METTL2A: variants seen among roughly 807,000 people sequenced by gnomAD.
The protein encoded by METTL2A is methyltransferase 2A, tRNA N3-cytidine.
Under a neutral mutation model 49.4 loss-of-function variants are expected in METTL2A, and 45 were observed. That is an observed-to-expected ratio of 0.91 (90% CI 0.72 to 1.17). The LOEUF is 1.17. Among genes scored for constraint, METTL2A ranks in the 50% most tolerant of loss-of-function variants. METTL2A has a pLI of 0.00. For missense variants in METTL2A, 361 were observed against 462.2 expected (o/e 0.78, Z 2.01); for synonymous variants, 118 against 167.5 (o/e 0.70, Z 2.28).
Position 62,438,407 on chromosome 17 carries a change from C to CAA in METTL2A, c.670-2194_670-2193dup, listed in dbSNP as rs1232215588. On this transcript the variant is annotated intron_variant, in intron 5 of 8. Coordinates refer to ENST00000311506, the MANE Select transcript of METTL2A (RefSeq NM_181725.4). ...GGGCTACAAGAGTGAAACTCCATCT[C>CAA]AAAAAAAAAAAAAAAAATACAAAAA... Among the ~76,000 whole-genome samples, 94 of 108,602 alleles carry CAA rather than the reference C, an allele frequency of 8.7e-4. 1 individual carries two copies. Among genetic ancestry groups the CAA allele is most frequent in the South Asian group, 4.5e-3 (15 of 3,334 alleles). The allele number at this position is 108,602 out of a possible 152,430, so 71.2% of individuals were successfully genotyped here. A position where few individuals can be genotyped will look rare whatever the true frequency, so the allele number is the denominator to read the frequency against.
At chr17:62,433,933 G>A (rs781611859) in intron 4 of METTL2A, among the ~76,000 whole-genome samples, 4 of 152,074 alleles carry the variant, frequency 2.6e-5, no homozygotes, top group East Asian at 3.9e-4. Context: ...ACGGTGGTGC[G>A]CACCTGTAAT....
chr17:62,440,549 C>A, intron 5 of METTL2A, 68 bp from the exon 6 acceptor site: 2 of 1,519,796 alleles, frequency 1.3e-6, no homozygotes, highest in South Asian at 2.6e-5. Flanking sequence ...AAATTTAAAA[C>A]AAGATAATCT....
intron 4 of METTL2A, among the ~76,000 whole-genome samples, chr17:62,432,472 G>A (rs796781019): frequency 6.6e-5 from 10 of 152,072 alleles, no homozygotes; most frequent in African/African-American, 2.2e-4. Context: ...AGTTCAGGAC[G>A]AGCCTGAGCA....
chr17:62,428,501 A>G (rs2070643286), intron 4 of METTL2A, among the ~76,000 whole-genome samples: 1 of 152,202 alleles, frequency 6.6e-6, no homozygotes. Context: ...CCCACTTCAG[A>G]TGCCAGTTGT....
Position 62,438,973 on chromosome 17 carries a change from A to ATTT in METTL2A, c.670-1623_670-1621dup, listed in dbSNP as rs1167283450. Among the ~76,000 whole-genome samples the ATTT allele has an allele frequency of 1.4e-3, 134 of 93,516 alleles. 3 individuals are homozygous for ATTT. The highest frequency in any genetic ancestry group is 3.4e-3 in the African/African-American group (74 of 22,084). 61.4% of individuals were successfully genotyped at this position (93,516 alleles called of 152,430 possible). On this transcript the variant is annotated intron_variant, in intron 5 of 8. Transcript: ENST00000311506. Reference sequence around the variant, plus strand: ...GGGCACATGCCACCACACTTGGCTAATTTTTTTTTTTTTTTTTTTTTTTGC... The same window carrying ATTT: ...GGGCACATGCCACCACACTTGGCTAATTTTTTTTTTTTTTTTTTTTTTTTTTGC...
At chr17:62,435,397 C>T in intron 5 of METTL2A, 105 bp downstream of exon 5, 1 of 1,513,236 alleles carries the variant, frequency 6.6e-7, no homozygotes, top group Non-Finnish European at 9.1e-7. Context: ...AGTCTGTGTT[C>T]TTACGGTCTA....
At chr17:62,434,180 A>T (rs1427855623) in intron 4 of METTL2A, among the ~76,000 whole-genome samples, 2 of 151,938 alleles carry the variant, frequency 1.3e-5, no homozygotes, top group Non-Finnish European at 2.9e-5. Flanking sequence ...CTGCATCTTC[A>T]CTCTCCCTTA....
chr17:62,424,763 G>A (rs1567732982), intron 2 of METTL2A, among the ~76,000 whole-genome samples: 1 of 151,810 alleles, frequency 6.6e-6, no homozygotes, highest in Non-Finnish European at 1.5e-5. Flanking sequence ...CTTGTGTGAT[G>A]GTTATGAGAA....
At chr17:62,446,096 TGCTG>T (rs1304406508) in intron 7 of METTL2A, among the ~76,000 whole-genome samples, 20 of 152,212 alleles carry the variant, frequency 1.3e-4, no homozygotes, top group African/African-American at 4.8e-4. Flanking sequence ...TACTTCCTAT[TGCTG>T]GCCAATTCAA....
rs749369707 is a variant in METTL2A, at chr17:62,448,619, C to G, written c.1027C>G (p.Gln343Glu). 28 of 1,614,060 alleles carry G rather than the reference C, an allele frequency of 1.7e-5. No homozygotes were observed. The highest frequency in any genetic ancestry group is 1.6e-4 in the Middle Eastern group (1 of 6,084). ...CACCACTGCTGGACTGGAAAAAGTT[C>G]AGAACCTGGTGGATCGCCGACTGCA... ...LFTTAGLEKV[Q>E]NLVDRRLQVN... The change falls in exon 9 of 9, where the codon CAG becomes GAG. Residue 343 changes from glutamine (Q) to glutamate (E), a missense_variant. Coordinates refer to ENST00000311506, the MANE Select transcript of METTL2A (RefSeq NM_181725.4).
chr17:62,428,618 A>G (rs1483825110), intron 4 of METTL2A, among the ~76,000 whole-genome samples: 2 of 152,178 alleles, frequency 1.3e-5, no homozygotes, highest in Non-Finnish European at 2.9e-5. Context: ...GAAACACTTT[A>G]CTTACATTTA....
chr17:62,442,111 T>C (rs2070742401), intron 6 of METTL2A, among the ~76,000 whole-genome samples: 2 of 152,282 alleles, frequency 1.3e-5, no homozygotes, highest in Admixed American at 1.3e-4. Context: ...GAAATTTACA[T>C]TGAACCTTAA....
At chr17:62,431,207 G>T (rs926463888) in intron 4 of METTL2A, among the ~76,000 whole-genome samples, 2 of 151,730 alleles carry the variant, frequency 1.3e-5, no homozygotes, top group African/African-American at 4.8e-5. Context: ...CACCATGTTG[G>T]CCAGGCGGGT....
chr17:62,435,066 C>T (rs2070691437), intron 4 of METTL2A, 166 bp from the exon 5 acceptor site: 1 of 1,063,580 alleles, frequency 9.4e-7, no homozygotes, highest in African/African-American at 1.6e-5. Flanking sequence ...GGATATAATT[C>T]AAAAGGGATT....
At position 62,437,456 on chromosome 17, in the gene METTL2A, G is replaced by A. The variant is rs544504310; in HGVS notation, c.669+2164G>A. Reference sequence around the variant, plus strand: ...GTCAGTATTTCCTAATTTTGCACGCGGCCCCAACGTGCTTGCTCCTCCCAG... The same window carrying A: ...GTCAGTATTTCCTAATTTTGCACGCAGCCCCAACGTGCTTGCTCCTCCCAG... On this transcript the variant is annotated intron_variant, in intron 5 of 8. Coordinates refer to ENST00000311506, the MANE Select transcript of METTL2A (RefSeq NM_181725.4). 2.2e-4 allele frequency among the ~76,000 whole-genome samples: 34 copies of A among 151,958 alleles called. No homozygotes were observed. The South Asian group carries it at 6.9e-3, about 31-fold the overall frequency.
intron 8 of METTL2A, 144 bp from the exon 9 acceptor site, chr17:62,448,431 A>G: frequency 6.8e-7 from 1 of 1,462,704 alleles, no homozygotes; most frequent in Non-Finnish European, 9.0e-7. Context: ...ACTGTTACCA[A>G]GCCACCACTG....
chr17:62,447,855 C>G (rs1388278472), intron 8 of METTL2A, 89 bp downstream of exon 8: 5 of 1,586,016 alleles, frequency 3.2e-6, no homozygotes, highest in Non-Finnish European at 3.4e-6. Context: ...ACTATCTGGT[C>G]CCTCCTGCCT....
intron 2 of METTL2A, among the ~76,000 whole-genome samples, chr17:62,425,958 G>GC (rs983334804): frequency 6.7e-6 from 1 of 149,300 alleles, no homozygotes; most frequent in Non-Finnish European, 1.5e-5. Flanking sequence ...CCAAGATTGC[G>GC]CCCCTGCACT....
intron 7 of METTL2A, among the ~76,000 whole-genome samples, chr17:62,446,037 C>T (rs1171937334): frequency 6.6e-6 from 1 of 152,174 alleles, no homozygotes; most frequent in Non-Finnish European, 1.5e-5. Flanking sequence ...AAGAACATAT[C>T]TAAATGGCCA....
Sources: allele counts gnomAD v4.1 joint callset (sites outside exome capture counted in the v4.1 genomes callset), GRCh38; gene constraint gnomAD v4.1.1; transcripts MANE v1.5; gene names NCBI Gene and HGNC (gene_info 2026-07-23, HGNC 2026-07-21).